The following MRPS31 variants were observed in gnomAD, a reference collection of about 807,000 sequenced individuals.
MRPS31 encodes the protein small ribosomal subunit protein mS31.
Under a neutral mutation model 43.1 loss-of-function variants are expected in MRPS31, and 32 were observed. The ratio of observed to expected loss-of-function variants is 0.74; its 90% CI spans 0.56 to 1.00. MRPS31 has a LOEUF of 1.00. Ranked by LOEUF, MRPS31 falls within the 50% of genes least tolerant of loss-of-function variation. The pLI, the probability that MRPS31 is intolerant of heterozygous loss-of-function variation, is 0.00. For missense variants in MRPS31, 437 were observed against 466.7 expected (o/e 0.94, Z 0.59); for synonymous variants, 165 against 161.6 (o/e 1.02, Z -0.16).
rs1879611407 is a variant in MRPS31, at chr13:40,729,583, G to A, written c.977C>T (p.Ser326Leu). 1 of 1,612,340 alleles carries A rather than the reference G, an allele frequency of 6.2e-7. No homozygotes were observed. The highest frequency in any genetic ancestry group is 1.3e-5 in the African/African-American group (1 of 74,800). Residue 326 changes from serine to leucine, a missense_variant, in exon 7 of 7, where the codon TCA becomes TTA. By Grantham distance (145) the Ser-to-Leu change is moderately radical (BLOSUM62 -2). Transcript: ENST00000323563. ...CAGAAATATATGTTCATGAAATTCTGAACCATCATCATCAAAACCTAGGAA... is the reference window on the plus strand; with the variant it reads ...CAGAAATATATGTTCATGAAATTCTAAACCATCATCATCAAAACCTAGGAA... The part of the protein sequence containing the change: ...NNEAGFDDDG[S>L]EFHEHIFLEK...
At position 40,756,883 on chromosome 13, in the gene MRPS31, G is replaced by A; in HGVS notation, c.730C>T (p.Leu244Phe). 1.2e-6 allele frequency: 2 copies of A among 1,611,952 alleles called. No individual in the cohort carries two copies. Among genetic ancestry groups the A allele is most frequent in the Non-Finnish European group, 1.7e-6 (2 of 1,179,418 alleles). ...TACAAAGCCTGATACCTTTTTTTAAGATCATCCGTCTTCTCCTGGCCAGGA... is the reference window on the plus strand; with the variant it reads ...TACAAAGCCTGATACCTTTTTTTAAAATCATCCGTCTTCTCCTGGCCAGGA... The part of the protein sequence containing the change: ...NYPGQEKTDD[L>F]KKRKNIFTGK... The change falls in exon 4 of 7, where the codon CTT becomes TTT. Residue 244 changes from leucine (L) to phenylalanine (F), a missense_variant. Coordinates refer to ENST00000323563, the MANE Select transcript of MRPS31 (RefSeq NM_005830.4).
chr13:40,745,534 G>A (rs1311086611), intron 6 of MRPS31, among the ~76,000 whole-genome samples: 1 of 152,216 alleles, frequency 6.6e-6, no homozygotes, highest in African/African-American at 2.4e-5. Flanking sequence ...TTACAGGTGT[G>A]AGCCACCACG....
chr13:40,765,150 T>A (rs529998356), intron 2 of MRPS31, among the ~76,000 whole-genome samples: 1 of 152,246 alleles, frequency 6.6e-6, no homozygotes, highest in African/African-American at 2.4e-5. Context: ...TCTTTTGATG[T>A]GGGACCAAAG....
chr13:40,758,757 G>T (rs1398161580), intron 3 of MRPS31, among the ~76,000 whole-genome samples, 191 bp downstream of exon 3: 2 of 152,044 alleles, frequency 1.3e-5, no homozygotes, highest in East Asian at 3.9e-4. Context: ...TTATTCAATT[G>T]TTTTTTTAAA....
intron 6 of MRPS31, among the ~76,000 whole-genome samples, chr13:40,730,773 C>T (rs1879666428): frequency 6.6e-6 from 1 of 151,854 alleles, no homozygotes; most frequent in Admixed American, 6.6e-5. Context: ...GTTGGTCAGG[C>T]TGGCTTGAAC....
At chr13:40,736,367 A>T (rs1879907966) in intron 6 of MRPS31, among the ~76,000 whole-genome samples, 1 of 151,612 alleles carries the variant, frequency 6.6e-6, no homozygotes. Flanking sequence ...GCAGGATATT[A>T]TCCAGGAGAA....
intron 6 of MRPS31, among the ~76,000 whole-genome samples, chr13:40,741,657 G>A (rs185883463): frequency 2.4e-4 from 37 of 152,222 alleles, no homozygotes; most frequent in African/African-American, 8.4e-4. Flanking sequence ...AAGAGACTTT[G>A]TAAGTATTTA....
chr13:40,749,220 T>C lies in MRPS31; in HGVS notation c.876A>G (p.Gln292=), dbSNP rs1314108451. Residue 292 remains glutamine (Q), a synonymous_variant, in exon 6 of 7, where the codon CAA becomes CAG. Coordinates refer to ENST00000323563, the MANE Select transcript of MRPS31 (RefSeq NM_005830.4). ...FAKQLATVNE[Q]PLQNGFEELI... The stretch of plus-strand genomic sequence containing the variant: ...GCTCTTCAAATCCATTCTGAAGGGG[T>C]TGTTCATTTACTGTGGCTAACTGCT... 1 of 1,601,412 alleles carries C rather than the reference T, an allele frequency of 6.2e-7. No homozygotes were observed.
intron 6 of MRPS31, among the ~76,000 whole-genome samples, chr13:40,748,841 G>T (rs7322754): frequency 0.21 from 31,787 of 152,080 alleles, 3,806 homozygotes; most frequent in Non-Finnish European, 0.29. Flanking sequence ...GTAATATCCT[G>T]TTTAGCGATT....
Position 40,759,099 on chromosome 13 carries a change from G to C in MRPS31, c.448C>G (p.Pro150Ala). 1 of 1,569,198 alleles carries C rather than the reference G, an allele frequency of 6.4e-7. No homozygotes were observed. Among genetic ancestry groups the C allele is most frequent in the South Asian group, 1.2e-5 (1 of 82,602 alleles). ...GCTGCCACCAACTCAGGACTCAGGG[G>C]CTCAATTCTGAAAAAGAAAATGAAA... The part of the protein sequence containing the change: ...TEYAPKKRIE[P>A]LSPELVAAAS... The change falls in exon 3 of 7, where the codon CCC becomes GCC. Residue 150 changes from proline (P) to alanine (A), a missense_variant. Transcript: ENST00000323563.
At chr13:40,769,805 T>C (rs1379823659) in intron 1 of MRPS31, among the ~76,000 whole-genome samples, 2 of 152,148 alleles carry the variant, frequency 1.3e-5, no homozygotes, top group East Asian at 1.9e-4. Context: ...ATCTACATTA[T>C]AGGAAAATCA....
chr13:40,753,419 C>T (rs1471987795), intron 5 of MRPS31, among the ~76,000 whole-genome samples: 1 of 152,180 alleles, frequency 6.6e-6, no homozygotes, highest in African/African-American at 2.4e-5. Context: ...CCTCTGGATT[C>T]GGTAATCGGT....
intron 6 of MRPS31, among the ~76,000 whole-genome samples, chr13:40,748,478 C>A (rs1189583312): frequency 6.6e-6 from 1 of 152,216 alleles, no homozygotes. Flanking sequence ...ATTCAAAATA[C>A]ATCTATAAAT....
intron 6 of MRPS31, among the ~76,000 whole-genome samples, chr13:40,746,148 C>T (rs552867721): frequency 2.0e-5 from 3 of 152,218 alleles, no homozygotes; most frequent in African/African-American, 7.2e-5. Context: ...ATATTATGTT[C>T]CAATACTACT....
At chr13:40,754,703 A>C (rs1880480082) in intron 4 of MRPS31, among the ~76,000 whole-genome samples, 1 of 152,262 alleles carries the variant, frequency 6.6e-6, no homozygotes, top group Admixed American at 6.5e-5. Context: ...TTACTTGAAT[A>C]CATTTACTGG....
At chr13:40,741,607 C>G (rs972249999) in intron 6 of MRPS31, among the ~76,000 whole-genome samples, 1 of 152,070 alleles carries the variant, frequency 6.6e-6, no homozygotes, top group African/African-American at 2.4e-5. Context: ...TGCAGAGAAA[C>G]AGAATTTTTA....
intron 6 of MRPS31, among the ~76,000 whole-genome samples, chr13:40,747,046 A>G (rs1026957112): frequency 1.3e-5 from 2 of 152,088 alleles, no homozygotes; most frequent in African/African-American, 4.8e-5. Flanking sequence ...ATAAAGTCAC[A>G]TTATTATACC....
At chr13:40,741,543 T>G (rs953292414) in intron 6 of MRPS31, among the ~76,000 whole-genome samples, 3 of 152,198 alleles carry the variant, frequency 2.0e-5, no homozygotes, top group African/African-American at 7.2e-5. Flanking sequence ...ACCACTGATA[T>G]CATTTTTTAC....
In MRPS31 at chr13:40,764,088, G is replaced by A. The variant is rs572484251; in HGVS notation, c.440+2658C>T. On this transcript the variant is annotated intron_variant, in intron 2 of 6. Coordinates refer to ENST00000323563, the MANE Select transcript of MRPS31 (RefSeq NM_005830.4). ...TCCTAAGGTACTCTGGGGCAGCACAGGAAAATACAACCATGTCAATAATGA... is the reference window on the plus strand; with the variant it reads ...TCCTAAGGTACTCTGGGGCAGCACAAGAAAATACAACCATGTCAATAATGA... 1.2e-4 allele frequency among the ~76,000 whole-genome samples: 18 copies of A among 152,256 alleles called. 1 individual carries two copies. In the South Asian group the frequency reaches 3.5e-3, roughly 30 times the overall value.
Sources: allele counts gnomAD v4.1 joint callset (sites outside exome capture counted in the v4.1 genomes callset), GRCh38; gene constraint gnomAD v4.1.1; transcripts MANE v1.5; gene names NCBI Gene and HGNC (gene_info 2026-07-23, HGNC 2026-07-21).